The following ELAVL4 variants were observed in gnomAD, a reference collection of about 807,000 sequenced individuals.
ELAVL4 encodes ELAV like RNA binding protein 4, also known as ELAV-like protein 4.
Under a neutral mutation model 35.6 loss-of-function variants are expected in ELAVL4, and 1 was observed. That is an observed-to-expected ratio of 0.03 (90% CI 0.01 to 0.13). The LOEUF (loss-of-function observed/expected upper bound fraction) is 0.13. Among genes scored for constraint, ELAVL4 ranks in the 10% least tolerant of loss-of-function variants. The probability of loss-of-function intolerance (pLI) is 1.00; values close to 1 mark genes in which losing one functional copy is unlikely to be tolerated. For synonymous variants in ELAVL4, 156 were observed against 171.0 expected (o/e 0.91, Z 0.69); for missense variants, 267 against 464.9 (o/e 0.57, Z 3.91).
upstream of ELAVL4, among the ~76,000 whole-genome samples, chr1:50,100,502 C>A (rs1444423823): frequency 6.6e-6 from 1 of 152,202 alleles, no homozygotes; most frequent in East Asian, 1.9e-4. Flanking sequence ...TCTTATCATT[C>A]TTTGGATCTC....
intron 3 of ELAVL4, among the ~76,000 whole-genome samples, chr1:50,192,519 G>GCACACA (rs5774068): frequency 0.2 from 28,684 of 140,184 alleles, 3,091 homozygotes; most frequent in Non-Finnish European, 0.25. Context: ...TTGTGTGCAC[G>GCACACA]CACACACACA....
chr1:50,106,247 CTG>C (rs908660965), upstream of ELAVL4: 6 of 1,502,994 alleles, frequency 4.0e-6, no homozygotes, highest in Non-Finnish European at 3.7e-6. Context: ...CATCTGGACT[CTG>C]TGTGGGAAAG....
intron 1 of ELAVL4, among the ~76,000 whole-genome samples, chr1:50,062,605 C>T: frequency 6.6e-6 from 1 of 152,066 alleles, no homozygotes; most frequent in African/African-American, 2.4e-5. Context: ...TTTGTTGAAT[C>T]AATGAATGAG....
intron 1 of ELAVL4, among the ~76,000 whole-genome samples, chr1:50,095,479 C>G (rs1325501185): frequency 1.3e-5 from 2 of 152,006 alleles, no homozygotes; most frequent in African/African-American, 4.8e-5. Flanking sequence ...AGCTAAATAG[C>G]CTGATACTCC....
intron 2 of ELAVL4, among the ~76,000 whole-genome samples, chr1:50,148,017 G>A (rs139831243): frequency 0.012 from 1,816 of 152,310 alleles, 17 homozygotes; most frequent in Middle Eastern, 0.02. Context: ...AAGAAATTTG[G>A]TCATGGAGTT....
At chr1:50,130,058 G>A (rs1670605279) in intron 1 of ELAVL4, among the ~76,000 whole-genome samples, 1 of 152,120 alleles carries the variant, frequency 6.6e-6, no homozygotes, top group Non-Finnish European at 1.5e-5. Context: ...ACCCAAGTCG[G>A]ATCACCTCCA....
At chr1:50,116,538 C>T (rs1385465179) in intron 1 of ELAVL4, among the ~76,000 whole-genome samples, 1 of 151,726 alleles carries the variant, frequency 6.6e-6, no homozygotes, top group African/African-American at 2.4e-5. Context: ...AGTCTAAACC[C>T]TTTAAAGGTT....
At chr1:50,130,703 A>G (rs1313086305) in intron 1 of ELAVL4, among the ~76,000 whole-genome samples, 3 of 152,170 alleles carry the variant, frequency 2.0e-5, no homozygotes, top group African/African-American at 7.2e-5. Flanking sequence ...CCTTGCAGGC[A>G]GGAACTCTTT....
At chr1:50,143,403 T>C (rs745837847) in intron 1 of ELAVL4, among the ~76,000 whole-genome samples, 2 of 152,218 alleles carry the variant, frequency 1.3e-5, no homozygotes, top group Non-Finnish European at 2.9e-5. Flanking sequence ...CTTCATTGCC[T>C]TCTTGTGAGG....
intron 2 of ELAVL4, among the ~76,000 whole-genome samples, chr1:50,165,709 C>T (rs1200227679): frequency 7.0e-6 from 1 of 143,820 alleles, no homozygotes; most frequent in Admixed American, 7.0e-5. Flanking sequence ...TACATATATA[C>T]TTATATATGT....
At chr1:50,089,942 C>A (rs564691849) in intron 1 of ELAVL4, among the ~76,000 whole-genome samples, 1 of 152,096 alleles carries the variant, frequency 6.6e-6, no homozygotes. Context: ...GGAAACTCAA[C>A]GCCTAAGAGA....
chr1:50,156,088 C>T (rs889667587), intron 2 of ELAVL4, among the ~76,000 whole-genome samples: 1 of 152,122 alleles, frequency 6.6e-6, no homozygotes, highest in Non-Finnish European at 1.5e-5. Context: ...TGTGCGCACG[C>T]AGGCACACAC....
At chr1:50,109,283 A>G in intron 1 of ELAVL4, 85 bp downstream of exon 1, 6 of 1,443,024 alleles carry the variant, frequency 4.2e-6, no homozygotes, top group Non-Finnish European at 5.8e-6. Context: ...TTATGCTTGC[A>G]CAAGAGTTTA....
chr1:50,193,064 C>T (rs1346028248), intron 3 of ELAVL4, among the ~76,000 whole-genome samples: 1 of 152,126 alleles, frequency 6.6e-6, no homozygotes, highest in African/African-American at 2.4e-5. Flanking sequence ...TCCATCTTGC[C>T]CCCATTTTAT....
chr1:50,196,506 A>G (rs1291993685), intron 5 of ELAVL4, among the ~76,000 whole-genome samples: 1 of 152,212 alleles, frequency 6.6e-6, no homozygotes, highest in Non-Finnish European at 1.5e-5. Flanking sequence ...AATTCTAAAC[A>G]ATTACTTTAT....
chr1:50,099,814 G>A (rs887023229), upstream of ELAVL4, among the ~76,000 whole-genome samples: 1 of 152,158 alleles, frequency 6.6e-6, no homozygotes, highest in Non-Finnish European at 1.5e-5. Context: ...GCACATGCAC[G>A]AAATAATGTA....
intron 1 of ELAVL4, among the ~76,000 whole-genome samples, chr1:50,059,553 T>C (rs551552996): frequency 2.7e-5 from 4 of 147,448 alleles, no homozygotes; most frequent in Non-Finnish European, 4.5e-5. Context: ...GGAGGTTTTT[T>C]AAAAAAAAAA....
At chr1:50,177,939 A>G (rs1356638083) in intron 3 of ELAVL4, among the ~76,000 whole-genome samples, 1 of 152,216 alleles carries the variant, frequency 6.6e-6, no homozygotes, top group Admixed American at 6.5e-5. Flanking sequence ...CTCCTCTAGA[A>G]GGAGGTTTAA....
At chr1:50,167,331 G>A (rs541800186) in intron 2 of ELAVL4, among the ~76,000 whole-genome samples, 1 of 152,184 alleles carries the variant, frequency 6.6e-6, no homozygotes, top group African/African-American at 2.4e-5. Context: ...GCTTTGGTCA[G>A]AGGCAATGTT....
Sources: allele counts gnomAD v4.1 joint callset (sites outside exome capture counted in the v4.1 genomes callset), GRCh38; gene constraint gnomAD v4.1.1; transcripts MANE v1.5; gene names NCBI Gene and HGNC (gene_info 2026-07-23, HGNC 2026-07-21).